SMC2: variants seen among roughly 807,000 people sequenced by gnomAD.
SMC2 encodes the protein structural maintenance of chromosomes 2.
SMC2 carries 41 observed loss-of-function variants against 142.6 expected under a neutral mutation model. The ratio of observed to expected loss-of-function variants is 0.29; its 90% confidence interval spans 0.22 to 0.37. The LOEUF is 0.37. SMC2 is among the 10% of genes least tolerant of loss of function. SMC2 has a pLI of 1.00. For synonymous variants in SMC2, 463 were observed against 457.5 expected (o/e 1.01, Z -0.15); for missense variants, 1,265 against 1,373.7 (o/e 0.92, Z 1.25).
rs3739737 is a variant in SMC2 at position 104,095,911 on chromosome 9, A to G, written c.169-237A>G. Among the ~76,000 whole-genome samples the G allele has an allele frequency of 0.57, 87,208 of 152,074 alleles. 26,116 individuals carry two copies. Among genetic ancestry groups the G allele is most frequent in the African/African-American group, 0.69 (28,474 of 41,456 alleles). The stretch of plus-strand genomic sequence containing the variant: ...TATCTTGCAAAGTAACTTTTTATTA[A>G]AAAATGAATAGGAAACAATTCAATT... On this transcript the variant is annotated intron_variant, in intron 2 of 24. Coordinates refer to ENST00000374793, the MANE Select transcript of SMC2 (RefSeq NM_006444.3).
chr9:104,100,337 A>C (rs913633052), intron 6 of SMC2, 52 bp from the exon 7 acceptor site: 16 of 1,480,350 alleles, frequency 1.1e-5, no homozygotes, highest in Non-Finnish European at 1.5e-5. Flanking sequence ...CTTTCAAATA[A>C]ATTTTAATGA....
chr9:104,098,714 T>C (rs1830762828), intron 4 of SMC2, 146 bp downstream of exon 4: 1 of 750,976 alleles, frequency 1.3e-6, no homozygotes, highest in Non-Finnish European at 2.1e-6. Flanking sequence ...TTTAGAAATA[T>C]GGTTTAGTTA....
intron 3 of SMC2, among the ~76,000 whole-genome samples, chr9:104,097,829 G>A (rs1830628306): frequency 6.6e-6 from 1 of 152,118 alleles, no homozygotes. Flanking sequence ...AATGTACTGG[G>A]ATGTACAGTT....
In SMC2 at chr9:104,129,670, A is replaced by G. The variant is rs577771068; in HGVS notation, c.2816A>G (p.Asp939Gly). 20 of 1,613,972 alleles carry G rather than the reference A, an allele frequency of 1.2e-5. No individual in the cohort carries two copies. The South Asian group carries it at 2.2e-4, about 18-fold the overall frequency. ...AKVSKMLKDY[D>G]WINAERHLFG... ...GTATCCAAAATGTTGAAAGATTATG[A>G]CTGGATTAATGCAGAGAGACACCTC... Residue 939 changes from aspartate to glycine, a missense_variant, in exon 21 of 25, where the codon GAC (aspartate) becomes GGC (glycine). Coordinates refer to ENST00000374793, the MANE Select transcript of SMC2 (RefSeq NM_006444.3).
chr9:104,100,003 T>G, intron 5 of SMC2, 90 bp from the exon 6 acceptor site: 1 of 761,522 alleles, frequency 1.3e-6, no homozygotes, highest in Non-Finnish European at 2.2e-6. Context: ...AGATGTTTAG[T>G]GAGGTCAAGG....
At chr9:104,111,319 T>C (rs1402168377) in intron 9 of SMC2, among the ~76,000 whole-genome samples, 2 of 152,224 alleles carry the variant, frequency 1.3e-5, no homozygotes, top group Non-Finnish European at 2.9e-5. Context: ...TGTTTAAATC[T>C]GCAATTATTA....
chr9:104,100,277 A>G, intron 6 of SMC2, 74 bp downstream of exon 6: 1 of 1,401,188 alleles, frequency 7.1e-7, no homozygotes, highest in Non-Finnish European at 9.8e-7. Context: ...GTAAAGAGGG[A>G]AAAATTTTTT....
At chr9:104,097,976 C>T (rs1830644976) in intron 3 of SMC2, among the ~76,000 whole-genome samples, 1 of 152,132 alleles carries the variant, frequency 6.6e-6, no homozygotes, top group African/African-American at 2.4e-5. Flanking sequence ...ACTGAAGCTC[C>T]ATGATTACCC....
chr9:104,127,572 T>C (rs1834453468), intron 20 of SMC2, 92 bp downstream of exon 20: 1 of 907,890 alleles, frequency 1.1e-6, no homozygotes, highest in Non-Finnish European at 1.5e-6. Flanking sequence ...GAGAACTCTA[T>C]AAATATAAAT....
intron 13 of SMC2, among the ~76,000 whole-genome samples, chr9:104,115,443 C>G (rs1028705199): frequency 6.6e-6 from 1 of 151,870 alleles, no homozygotes; most frequent in Non-Finnish European, 1.5e-5. Context: ...GGCGTAGTGG[C>G]GTGCGCCTGG....
At chr9:104,107,408 C>T (rs899461674) in intron 9 of SMC2, among the ~76,000 whole-genome samples, 1 of 152,196 alleles carries the variant, frequency 6.6e-6, no homozygotes, top group African/African-American at 2.4e-5. Flanking sequence ...AGTCAGCATG[C>T]ATGGAGGTTG....
At chr9:104,119,552 G>A (rs978697020) in intron 15 of SMC2, among the ~76,000 whole-genome samples, 3 of 152,342 alleles carry the variant, frequency 2.0e-5, no homozygotes, top group African/African-American at 7.2e-5. Flanking sequence ...ATCTGCTGCA[G>A]ATCAGTTGCC....
At chr9:104,108,560 C>T (rs1253996755) in intron 9 of SMC2, among the ~76,000 whole-genome samples, 1 of 152,188 alleles carries the variant, frequency 6.6e-6, no homozygotes, top group East Asian at 1.9e-4. Flanking sequence ...TTCCCGAGCT[C>T]TCTGGCGCTG....
intron 9 of SMC2, among the ~76,000 whole-genome samples, chr9:104,105,767 G>A (rs1442040912): frequency 6.6e-6 from 1 of 152,124 alleles, no homozygotes; most frequent in Admixed American, 6.5e-5. Context: ...GAATGCTAGG[G>A]TAGTTCACTA....
chr9:104,112,962 G>A (rs1013408344), intron 10 of SMC2, among the ~76,000 whole-genome samples: 1 of 151,944 alleles, frequency 6.6e-6, no homozygotes, highest in Non-Finnish European at 1.5e-5. Flanking sequence ...ACAACTAAGC[G>A]GAAAGGAAAA....
chr9:104,123,562 T>C (rs1833954604), intron 17 of SMC2, among the ~76,000 whole-genome samples: 1 of 152,250 alleles, frequency 6.6e-6, no homozygotes, highest in South Asian at 2.1e-4. Flanking sequence ...TGCATTTCCC[T>C]AATTGCTGAT....
intron 17 of SMC2, among the ~76,000 whole-genome samples, chr9:104,124,470 GAGA>G (rs1458621368): frequency 6.6e-6 from 1 of 152,106 alleles, no homozygotes; most frequent in Non-Finnish European, 1.5e-5. Context: ...CGACTTTAAT[GAGA>G]AGTTCCCTGA....
chr9:104,106,449 C>T (rs1371931780), intron 9 of SMC2, among the ~76,000 whole-genome samples: 3 of 151,890 alleles, frequency 2.0e-5, no homozygotes, highest in African/African-American at 4.8e-5. Context: ...AGTGCAGTGG[C>T]GCAATTTCGG....
intron 15 of SMC2, among the ~76,000 whole-genome samples, chr9:104,118,765 G>C (rs1833406491): frequency 6.6e-6 from 1 of 152,076 alleles, no homozygotes; most frequent in African/African-American, 2.4e-5. Flanking sequence ...ATTTAATTAA[G>C]TTAAAAGTAA....
Sources: gnomAD v4.1 joint callset for allele counts (sites outside exome capture counted in the v4.1 genomes callset) on GRCh38, gnomAD v4.1.1 for gene constraint, MANE v1.5 for transcripts, NCBI Gene and HGNC (gene_info 2026-07-23, HGNC 2026-07-21) for gene names.